MSH3: variants seen among roughly 807,000 people sequenced by gnomAD.
The protein encoded by MSH3 is DNA mismatch repair protein Msh3.
A neutral mutation model predicts 123.3 loss-of-function variants in MSH3; 106 were observed. That is an observed-to-expected ratio of 0.86 (90% CI 0.73 to 1.01). The LOEUF (loss-of-function observed/expected upper bound fraction) is 1.01. MSH3 is among the 50% of genes least tolerant of loss of function. The pLI, the probability that MSH3 is intolerant of heterozygous loss-of-function variation, is 0.00. For missense variants in MSH3, 1,459 were observed against 1,347.6 expected (o/e 1.08, Z -1.29); for synonymous variants, 515 against 481.4 (o/e 1.07, Z -0.91).
intron 8 of MSH3, among the ~76,000 whole-genome samples, chr5:80,716,369 C>G (rs1421418641): frequency 1.3e-5 from 2 of 151,980 alleles, no homozygotes; most frequent in Non-Finnish European, 2.9e-5. Context: ...TTGAAGTGCT[C>G]TAAATGGAAG....
At chr5:80,746,284 AG>A in intron 12 of MSH3, 1 of 307,034 alleles carries the variant, frequency 3.3e-6, no homozygotes. Flanking sequence ...TAAACAGAGC[AG>A]GGCAGCTAGT....
At chr5:80,683,287 T>G (rs1483950166) in intron 8 of MSH3, among the ~76,000 whole-genome samples, 1 of 152,180 alleles carries the variant, frequency 6.6e-6, no homozygotes. Flanking sequence ...TTTTTCAAAC[T>G]ACTCTCCATA....
intron 21 of MSH3, among the ~76,000 whole-genome samples, chr5:80,863,572 A>G (rs1366689139): frequency 1.3e-5 from 2 of 151,890 alleles, no homozygotes; most frequent in Non-Finnish European, 2.9e-5. Flanking sequence ...TCAGGAGGCT[A>G]AGGTAGGAGA....
chr5:80,863,977 AG>A (rs1404138942), intron 21 of MSH3, among the ~76,000 whole-genome samples: 3 of 152,204 alleles, frequency 2.0e-5, no homozygotes, highest in South Asian at 2.1e-4. Flanking sequence ...AGGAAAACAA[AG>A]GGTGAAGGGG....
intron 8 of MSH3, among the ~76,000 whole-genome samples, chr5:80,690,643 T>G (rs528085771): frequency 6.6e-6 from 1 of 152,298 alleles, no homozygotes; most frequent in South Asian, 2.1e-4. Context: ...AAACTACTGT[T>G]TTATTTTTCT....
chr5:80,759,919 G>GTA (rs1193551544), intron 12 of MSH3, among the ~76,000 whole-genome samples: 1 of 152,160 alleles, frequency 6.6e-6, no homozygotes, highest in Non-Finnish European at 1.5e-5. Flanking sequence ...GCATGCAAGA[G>GTA]TATGAGCCAG....
At chr5:80,837,725 T>A (rs983497210) in intron 20 of MSH3, among the ~76,000 whole-genome samples, 3 of 152,224 alleles carry the variant, frequency 2.0e-5, no homozygotes, top group Admixed American at 2.0e-4. Flanking sequence ...TATCACAAAT[T>A]TAGCAGCTTG....
rs575646042 is a variant in MSH3, at chr5:80,665,977, A to G, written c.579+614A>G. Among the ~76,000 whole-genome samples the G allele has an allele frequency of 3.5e-4, 54 of 152,386 alleles. No individual in the cohort carries two copies. In the Middle Eastern group the frequency reaches 0.01, roughly 29 times the overall value. On this transcript the variant is annotated intron_variant, in intron 3 of 23. Coordinates refer to ENST00000265081, the MANE Select transcript of MSH3 (RefSeq NM_002439.5). ...TGGAGAACTTCAAACAAAAATTGCC[A>G]TTAAGAACCTTCCCTCAGAATCTTA...
Position 80,875,915 on chromosome 5 carries a change from A to G in MSH3, c.*53A>G. 1 of 1,071,838 alleles carries G rather than the reference A, an allele frequency of 9.3e-7. No homozygotes were observed. The highest frequency in any genetic ancestry group is 1.4e-6 in the Non-Finnish European group (1 of 696,668). The allele number at this position is 1,071,838 out of a possible 1,614,324, so 66.4% of individuals were successfully genotyped here. On this transcript the variant is annotated 3_prime_UTR_variant, in exon 24 of 24. Coordinates refer to ENST00000265081, the MANE Select transcript of MSH3 (RefSeq NM_002439.5). The stretch of plus-strand genomic sequence containing the variant: ...ATGGAGAATTAAAAATACCAACTGT[A>G]CAAAATAACTCTCCAGTAACAGCCT...
chr5:80,689,709 C>T (rs1750183665), intron 8 of MSH3, among the ~76,000 whole-genome samples: 1 of 150,182 alleles, frequency 6.7e-6, no homozygotes, highest in East Asian at 1.9e-4. Flanking sequence ...AACGGAAGAC[C>T]GAGTTCTTTT....
In MSH3 at chr5:80,708,869, G is replaced by A. The variant is rs6151703; in HGVS notation, c.1341-16584G>A. Among the ~76,000 whole-genome samples the A allele has an allele frequency of 6.6e-3, 1,009 of 152,102 alleles. 4 individuals carry two copies. Among genetic ancestry groups the A allele is most frequent in the Admixed American group, 0.013 (204 of 15,270 alleles). On this transcript the variant is annotated intron_variant, in intron 8 of 23. Transcript: ENST00000265081. ...GATTCACTTCAACCTCCGCCTCCTGGGTTCTAGCGATTTTCCTGCCTCACC... is the reference window on the plus strand; with the variant it reads ...GATTCACTTCAACCTCCGCCTCCTGAGTTCTAGCGATTTTCCTGCCTCACC...
intron 12 of MSH3, chr5:80,746,741 C>A: frequency 2.5e-6 from 1 of 397,820 alleles, no homozygotes; most frequent in South Asian, 2.2e-5. Flanking sequence ...CCAACATGGT[C>A]TTGATAGTCA....
At chr5:80,773,671 C>T (rs1229748338) in intron 15 of MSH3, among the ~76,000 whole-genome samples, 1 of 152,306 alleles carries the variant, frequency 6.6e-6, no homozygotes, top group East Asian at 1.9e-4. Flanking sequence ...TCATAGCTCT[C>T]TCAAGATGAC....
At chr5:80,656,257 C>T (rs892314043) in intron 1 of MSH3, among the ~76,000 whole-genome samples, 154 bp from the exon 2 acceptor site, 2 of 152,108 alleles carry the variant, frequency 1.3e-5, no homozygotes, top group Non-Finnish European at 2.9e-5. Context: ...AAACAGTTCA[C>T]CCATAGGGTT....
chr5:80,718,708 G>T (rs531893828), intron 8 of MSH3, among the ~76,000 whole-genome samples: 1 of 151,568 alleles, frequency 6.6e-6, no homozygotes, highest in South Asian at 2.1e-4. Flanking sequence ...TTCATTGGGA[G>T]GCATATAATT....
chr5:80,685,893 T>A (rs895071450), intron 8 of MSH3, among the ~76,000 whole-genome samples: 1 of 152,194 alleles, frequency 6.6e-6, no homozygotes, highest in African/African-American at 2.4e-5. Context: ...TCCTTGTTGA[T>A]CTCTTCATTG....
intron 12 of MSH3, among the ~76,000 whole-genome samples, chr5:80,753,199 G>A (rs1402136327): frequency 1.3e-5 from 2 of 152,176 alleles, no homozygotes; most frequent in Non-Finnish European, 2.9e-5. Flanking sequence ...GAACTTGAGA[G>A]CATCTGTTTT....
At chr5:80,859,012 T>C (rs967728541) in intron 21 of MSH3, among the ~76,000 whole-genome samples, 1 of 152,170 alleles carries the variant, frequency 6.6e-6, no homozygotes, top group Admixed American at 6.6e-5. Flanking sequence ...CAAATTTACT[T>C]GATCTGAAGT....
At chr5:80,723,645 G>T (rs544148493) in intron 8 of MSH3, among the ~76,000 whole-genome samples, 1 of 152,200 alleles carries the variant, frequency 6.6e-6, no homozygotes, top group Middle Eastern at 3.4e-3. Flanking sequence ...AATTTGTATG[G>T]TTATGATAAA....
Sources: allele counts gnomAD v4.1 joint callset (sites outside exome capture counted in the v4.1 genomes callset), GRCh38; gene constraint gnomAD v4.1.1; transcripts MANE v1.5; gene names NCBI Gene and HGNC (gene_info 2026-07-23, HGNC 2026-07-21).